Variants in KANSL1 observed in about 807,000 individuals in gnomAD.
The protein encoded by KANSL1 is MLL1/MLL complex subunit KANSL1.
KANSL1 carries 22 observed loss-of-function variants against 103.6 expected under a neutral mutation model. The ratio of observed to expected loss-of-function variants is 0.21; its 90% CI spans 0.15 to 0.30. The LOEUF (loss-of-function observed/expected upper bound fraction) is 0.30, where lower values mean the gene tolerates loss of function less well. Among genes scored for constraint, KANSL1 ranks in the 10% least tolerant of loss-of-function variants. The pLI, the probability that KANSL1 is intolerant of heterozygous loss-of-function variation, is 1.00. For missense variants in KANSL1, 1,337 were observed against 1,399.8 expected (o/e 0.96, Z 0.72); for synonymous variants, 600 against 527.6 (o/e 1.14, Z -1.88).
intron 1 of KANSL1, among the ~76,000 whole-genome samples, chr17:46,174,692 T>C (rs1440052906): frequency 6.6e-6 from 1 of 152,228 alleles, no homozygotes; most frequent in Non-Finnish European, 1.5e-5. Flanking sequence ...GCTGTTATTT[T>C]GAAACAGGGT....
chr17:46,186,042 T>C (rs1283721269), intron 1 of KANSL1, among the ~76,000 whole-genome samples: 7 of 152,096 alleles, frequency 4.6e-5, no homozygotes, highest in Admixed American at 3.9e-4. Flanking sequence ...TAAGTGCTCC[T>C]GAACAATCCT....
At chr17:46,093,730 CT>C (rs1469491186) in intron 3 of KANSL1, 1 of 152,218 alleles carries the variant, frequency 6.6e-6, no homozygotes, top group Non-Finnish European at 1.5e-5. Flanking sequence ...CATTTTGACC[CT>C]TATTTTTAGT....
At chr17:46,075,306 T>C (rs2078718987) in intron 4 of KANSL1, among the ~76,000 whole-genome samples, 2 of 152,166 alleles carry the variant, frequency 1.3e-5, no homozygotes, top group Admixed American at 6.5e-5. Context: ...GAAAGCTCCG[T>C]ACGGAGACTC....
chr17:46,032,181 C>T lies in KANSL1; in HGVS notation c.2956G>A (p.Gly986Ser), dbSNP rs2146306880. 1 of 1,612,106 alleles carries T rather than the reference C, an allele frequency of 6.2e-7. No homozygotes were observed. The highest frequency in any genetic ancestry group is 8.5e-7 in the Non-Finnish European group (1 of 1,178,746). Residue 986 changes from glycine (G) to serine (S), a missense_variant, in exon 14 of 15, where the codon GGT (glycine) becomes AGT (serine). Around this residue, in one of 2 missense-constraint regions of KANSL1, gnomAD observed 780 missense variants for 923.4 expected, o/e 0.84. Transcript: ENST00000432791. ...CTAATGGGGCTCCTAGGGGACTGAC[C>T]ATGGGAGTATTCTGACAAAGAGTGG... ...SSHSLSEYSH[G>S]QSPRSPISPE...
At chr17:46,048,317 A>G (rs889721164) in intron 7 of KANSL1, among the ~76,000 whole-genome samples, 1 of 152,066 alleles carries the variant, frequency 6.6e-6, no homozygotes, top group Non-Finnish European at 1.5e-5. Flanking sequence ...CTGTAATCCC[A>G]GCACTTTAGG....
intron 7 of KANSL1, chr17:46,041,504 C>T (rs9889485): frequency 0.018 from 2,801 of 152,296 alleles, 86 homozygotes; most frequent in African/African-American, 0.065. Flanking sequence ...CCACTTGGGG[C>T]ATGCTCAGAA....
intron 2 of KANSL1, among the ~76,000 whole-genome samples, chr17:46,131,674 TGAGGA>T (rs1347875769): frequency 2.0e-5 from 3 of 152,168 alleles, no homozygotes; most frequent in Non-Finnish European, 4.4e-5. Flanking sequence ...TAAATTTGAC[TGAGGA>T]GATAGGGCTG....
chr17:46,209,142 C>T (rs1243491286), intron 1 of KANSL1, among the ~76,000 whole-genome samples: 1 of 151,758 alleles, frequency 6.6e-6, no homozygotes, highest in Non-Finnish European at 1.5e-5. Flanking sequence ...AAGATTGCGC[C>T]GATTGCACTC....
chr17:46,078,459 C>T (rs2078868713), intron 4 of KANSL1, among the ~76,000 whole-genome samples: 1 of 152,222 alleles, frequency 6.6e-6, no homozygotes, highest in Admixed American at 6.5e-5. Flanking sequence ...AGATTGTGGG[C>T]CTATGCCCCT....
At chr17:46,166,504 T>C (rs62060891) in intron 2 of KANSL1, among the ~76,000 whole-genome samples, 21,876 of 151,582 alleles carry the variant, frequency 0.14, 2,126 homozygotes, top group Middle Eastern at 0.22. Context: ...AAGAGCAACA[T>C]TCGGTCTCCA....
intron 2 of KANSL1, among the ~76,000 whole-genome samples, chr17:46,104,681 G>A (rs545746046): frequency 6.6e-6 from 1 of 152,286 alleles, no homozygotes; most frequent in African/African-American, 2.4e-5. Flanking sequence ...ACACTTAACT[G>A]AAGTATTCTA....
At chr17:46,206,502 G>A (rs1343152098) in intron 1 of KANSL1, among the ~76,000 whole-genome samples, 1 of 152,220 alleles carries the variant, frequency 6.6e-6, no homozygotes, top group Non-Finnish European at 1.5e-5. Context: ...GAGACAGGAG[G>A]ATTGCTTGAG....
chr17:46,191,193 A>G (rs1341591437), intron 1 of KANSL1, among the ~76,000 whole-genome samples: 1 of 152,378 alleles, frequency 6.6e-6, no homozygotes, highest in East Asian at 1.9e-4. Flanking sequence ...AAGGAATAAC[A>G]TACTTCTAAA....
upstream of KANSL1, chr17:46,193,465 C>A (rs111923769): frequency 0.11 from 16,992 of 148,754 alleles, 1 homozygote; most frequent in Non-Finnish European, 0.17. Flanking sequence ...GCCGGGGACA[C>A]GGGGAGGAGG....
chr17:46,061,892 G>A (rs1488216648), intron 6 of KANSL1, among the ~76,000 whole-genome samples: 2 of 152,032 alleles, frequency 1.3e-5, no homozygotes, highest in East Asian at 1.9e-4. Flanking sequence ...AGGAGTTCGA[G>A]ACCAGCCTGG....
At chr17:46,118,768 CGACG>C in intron 2 of KANSL1, among the ~76,000 whole-genome samples, 1 of 152,214 alleles carries the variant, frequency 6.6e-6, no homozygotes, top group South Asian at 2.1e-4. Flanking sequence ...GTAGAAAAGC[CGACG>C]GATAAACAAC....
intron 11 of KANSL1, 92 bp from the exon 12 acceptor site, chr17:46,033,552 A>G: frequency 9.7e-7 from 1 of 1,029,126 alleles, no homozygotes. Context: ...AGAATCCTGC[A>G]CCTGTGGGTG....
At chr17:46,138,026 T>C (rs998993396) in intron 2 of KANSL1, among the ~76,000 whole-genome samples, 17 of 152,176 alleles carry the variant, frequency 1.1e-4, no homozygotes, top group Admixed American at 3.3e-4. Flanking sequence ...CAGCTTAGGC[T>C]AGTGAAGTGA....
At chr17:46,130,136 G>A (rs2043779327) in intron 2 of KANSL1, among the ~76,000 whole-genome samples, 1 of 143,534 alleles carries the variant, frequency 7.0e-6, no homozygotes, top group Non-Finnish European at 1.5e-5. Context: ...GCAGTGAGCT[G>A]AGATGGTGCC....
Sources: gnomAD v4.1 joint callset for allele counts (sites outside exome capture counted in the v4.1 genomes callset) on GRCh38, gnomAD v4.1.1 for gene constraint, gnomAD v4.1.1 regional missense constraint, MANE v1.5 for transcripts, NCBI Gene and HGNC (gene_info 2026-07-23, HGNC 2026-07-21) for gene names.